ADAMTS16: variants seen among roughly 807,000 people sequenced by gnomAD.
ADAMTS16 encodes A disintegrin and metalloproteinase with thrombospondin motifs 16.
In ADAMTS16, 94 loss-of-function variants were observed where a neutral mutation model predicts 145.8. The observed-to-expected ratio is 0.64, with a 90% CI of 0.55 to 0.77. The LOEUF is 0.77. ADAMTS16 is among the 30% of genes least tolerant of loss of function. ADAMTS16 has a pLI of 0.00. For synonymous variants in ADAMTS16, 659 were observed against 604.3 expected, an observed-to-expected ratio of 1.09 and a Z score of -1.33; for missense variants, 1,585 against 1,591.5, an observed-to-expected ratio of 1.00 and a Z score of 0.07.
intron 3 of ADAMTS16, among the ~76,000 whole-genome samples, chr5:5,170,569 G>A (rs1479249646): frequency 2.0e-5 from 3 of 151,754 alleles, no homozygotes; most frequent in African/African-American, 7.3e-5. Context: ...GTAGAGACGC[G>A]GTTTCTCCAT....
intron 3 of ADAMTS16, among the ~76,000 whole-genome samples, chr5:5,168,650 T>TTA (rs1553987491): frequency 9.2e-6 from 1 of 108,198 alleles, no homozygotes; most frequent in East Asian, 2.2e-4. Flanking sequence ...ATAATTATAT[T>TTA]TATATATTAT....
At chr5:5,240,899 C>A (rs1344029089) in intron 16 of ADAMTS16, among the ~76,000 whole-genome samples, 1 of 152,118 alleles carries the variant, frequency 6.6e-6, no homozygotes, top group Non-Finnish European at 1.5e-5. Flanking sequence ...CGTCTCCCAC[C>A]ATCTAAGGCT....
rs752283831 is a variant in ADAMTS16 at position 5,140,583 on chromosome 5, G to A, written c.72+44G>A. On this transcript the variant is annotated intron_variant, in intron 1 of 22. Transcript: ENST00000274181. ...CACCAGCGCGGAAACCGCGGGTCCG[G>A]ACAGCTGGAGGCGAGTCCCCCGCGG... is the stretch of plus-strand genomic sequence containing the variant. The A allele has an allele frequency of 9.9e-6, 15 of 1,509,978 alleles. No homozygotes were observed. The East Asian group carries it at 3.6e-4, about 36-fold the overall frequency. The allele number at this position is 1,509,978 out of a possible 1,614,324, so 93.5% of individuals were successfully genotyped here.
chr5:5,142,772 A>G (rs1171391503), intron 2 of ADAMTS16, among the ~76,000 whole-genome samples: 1 of 152,212 alleles, frequency 6.6e-6, no homozygotes, highest in Admixed American at 6.5e-5. Context: ...ACAAAGCTGG[A>G]GGTGTCACAC....
chr5:5,188,158 G>T (rs1489680445), intron 6 of ADAMTS16, among the ~76,000 whole-genome samples: 3 of 152,192 alleles, frequency 2.0e-5, no homozygotes, highest in African/African-American at 7.2e-5. Context: ...GTGGGAATGA[G>T]CCCTTTCTGC....
At chr5:5,160,388 T>C (rs941028150) in intron 3 of ADAMTS16, among the ~76,000 whole-genome samples, 3 of 152,130 alleles carry the variant, frequency 2.0e-5, no homozygotes, top group South Asian at 2.1e-4. Context: ...CATTGGGAAA[T>C]AGTGGTGGGC....
intron 22 of ADAMTS16, among the ~76,000 whole-genome samples, chr5:5,318,789 T>C (rs1734158820): frequency 6.6e-6 from 1 of 152,100 alleles, no homozygotes; most frequent in Non-Finnish European, 1.5e-5. Flanking sequence ...AGATGCGTGG[T>C]TGAGTGAGTG....
chr5:5,304,102 T>C (rs1266633954), intron 20 of ADAMTS16, among the ~76,000 whole-genome samples: 3 of 152,132 alleles, frequency 2.0e-5, no homozygotes, highest in Non-Finnish European at 4.4e-5. Context: ...ACCTAACTCC[T>C]GGGCAGGTGT....
chr5:5,254,049 T>C (rs558887578), intron 17 of ADAMTS16, among the ~76,000 whole-genome samples: 1 of 152,198 alleles, frequency 6.6e-6, no homozygotes, highest in Non-Finnish European at 1.5e-5. Context: ...AGGGCACCTT[T>C]GCTTGGTTTG....
intron 10 of ADAMTS16, among the ~76,000 whole-genome samples, chr5:5,215,791 GTGTGGTATATA>G (rs1736411030): frequency 2.2e-5 from 1 of 45,610 alleles, no homozygotes; most frequent in South Asian, 5.2e-4. Flanking sequence ...GTATATATAT[GTGTGGTATATA>G]TATGTGTGGT....
chr5:5,182,430 A>G, intron 4 of ADAMTS16, 125 bp downstream of exon 4: 1 of 1,244,074 alleles, frequency 8.0e-7, no homozygotes, highest in East Asian at 2.5e-5. Flanking sequence ...TGTCGTTGCT[A>G]AACTGAAGCA....
intron 21 of ADAMTS16, among the ~76,000 whole-genome samples, chr5:5,307,239 T>C (rs973099167): frequency 6.6e-6 from 1 of 152,120 alleles, no homozygotes; most frequent in Non-Finnish European, 1.5e-5. Context: ...GCTGCTGGCA[T>C]TTCTGCTTTC....
intron 18 of ADAMTS16, among the ~76,000 whole-genome samples, chr5:5,263,247 C>T (rs1579354107): frequency 2.0e-5 from 3 of 152,174 alleles, no homozygotes; most frequent in African/African-American, 7.2e-5. Flanking sequence ...AAAGCCAGGG[C>T]TCTTGTCATC....
At chr5:5,241,989 G>T (rs942066297) in intron 16 of ADAMTS16, 64 bp from the exon 17 acceptor site, 4 of 1,576,170 alleles carry the variant, frequency 2.5e-6, no homozygotes, top group South Asian at 1.1e-5. Context: ...TCTAAATCCC[G>T]TTAGCATGTA....
chr5:5,224,073 T>A (rs1736684448), intron 11 of ADAMTS16, among the ~76,000 whole-genome samples: 1 of 152,124 alleles, frequency 6.6e-6, no homozygotes, highest in Non-Finnish European at 1.5e-5. Flanking sequence ...ATTATTGCAG[T>A]GCCAACTGAA....
chr5:5,275,935 C>G (rs1488892896), intron 18 of ADAMTS16, among the ~76,000 whole-genome samples: 1 of 151,870 alleles, frequency 6.6e-6, no homozygotes, highest in South Asian at 2.1e-4. Context: ...ATCAGCTCAC[C>G]GCAACCAACA....
At chr5:5,288,192 G>A (rs965691757) in intron 18 of ADAMTS16, among the ~76,000 whole-genome samples, 18 of 152,144 alleles carry the variant, frequency 1.2e-4, no homozygotes, top group Admixed American at 3.9e-4. Context: ...ACGAAGAGCC[G>A]AAGAACGGAA....
intron 8 of ADAMTS16, among the ~76,000 whole-genome samples, chr5:5,192,237 G>A (rs1003729738): frequency 3.3e-5 from 5 of 152,116 alleles, no homozygotes; most frequent in Admixed American, 3.3e-4. Flanking sequence ...AAGTTTCCAT[G>A]TCCCTGGGTC....
intron 18 of ADAMTS16, among the ~76,000 whole-genome samples, chr5:5,279,911 T>C (rs1231647277): frequency 5.2e-5 from 1 of 19,356 alleles, no homozygotes; most frequent in East Asian, 1.6e-3. Context: ...TTTTCTTTTC[T>C]TTCTTTATTT....
Sources: allele counts gnomAD v4.1 joint callset (sites outside exome capture counted in the v4.1 genomes callset), GRCh38; gene constraint gnomAD v4.1.1; transcripts MANE v1.5; gene names NCBI Gene and HGNC (gene_info 2026-07-23, HGNC 2026-07-21).